NRXN3: variants seen among roughly 807,000 people sequenced by gnomAD.
The protein encoded by NRXN3 is neurexin 3, also known as neurexin III.
In NRXN3, 32 loss-of-function variants were observed where a neutral mutation model predicts 137.6. The observed-to-expected ratio is 0.23, with a 90% CI of 0.18 to 0.31. NRXN3 has a LOEUF of 0.31. Ranked by LOEUF, NRXN3 falls within the 10% of genes least tolerant of loss-of-function variation. The pLI, the probability that NRXN3 is intolerant of heterozygous loss-of-function variation, is 1.00. For synonymous variants in NRXN3, 798 were observed against 784.5 expected, an observed-to-expected ratio of 1.02 and a Z score of -0.29; for missense variants, 1,574 against 2,062.5, an observed-to-expected ratio of 0.76 and a Z score of 4.59.
At chr14:78,202,792 A>C (rs2061801028) in intron 1 of NRXN3, among the ~76,000 whole-genome samples, 1 of 152,216 alleles carries the variant, frequency 6.6e-6, no homozygotes, top group Admixed American at 6.5e-5. Context: ...CCAATTTCCG[A>C]GTACTGTGTG....
At chr14:78,387,024 A>G (rs145070991) in intron 4 of NRXN3, among the ~76,000 whole-genome samples, 157 of 151,612 alleles carry the variant, frequency 1.0e-3, no homozygotes, top group African/African-American at 3.7e-3. Context: ...CAAATGATCC[A>G]CCCTCCTCGG....
chr14:79,506,734 C>T (rs1272658987), intron 16 of NRXN3, among the ~76,000 whole-genome samples: 1 of 152,092 alleles, frequency 6.6e-6, no homozygotes, highest in African/African-American at 2.4e-5. Context: ...TTTAAGACAA[C>T]CCCATAACCT....
intron 5 of NRXN3, among the ~76,000 whole-genome samples, chr14:78,650,057 A>G (rs143290060): frequency 0.016 from 2,392 of 151,356 alleles, 29 homozygotes; most frequent in Non-Finnish European, 0.02. Context: ...TTCATCTTTC[A>G]TATATTTGGG....
Position 79,694,650 on chromosome 14 carries a change from A to G in NRXN3, c.3706+2388A>G, listed in dbSNP as rs138578750. On this transcript the variant is annotated intron_variant, in intron 18 of 20. Coordinates refer to ENST00000335750, the MANE Select transcript of NRXN3 (RefSeq NM_001330195.2). ...TTTGGGGAAATCTTGGGCAAATGAT[A>G]AAAAGAAACTGGTCAGTTCTTCACA... is the stretch of plus-strand genomic sequence containing the variant. Among the ~76,000 whole-genome samples, 73 of 152,098 alleles carry G rather than the reference A, an allele frequency of 4.8e-4. No individual in the cohort carries two copies. The East Asian group carries it at 0.014, about 29-fold the overall frequency.
intron 20 of NRXN3, among the ~76,000 whole-genome samples, chr14:79,843,823 T>A (rs980429126): frequency 1.3e-5 from 2 of 152,146 alleles, no homozygotes; most frequent in African/African-American, 4.8e-5. Context: ...AGTTCTGTAG[T>A]GGTGATTCTG....
chr14:79,234,836 G>T (rs1298260549), intron 15 of NRXN3, among the ~76,000 whole-genome samples: 3 of 151,876 alleles, frequency 2.0e-5, no homozygotes, highest in African/African-American at 7.3e-5. Flanking sequence ...CAGAATACTT[G>T]TTAATATCCA....
intron 1 of NRXN3, among the ~76,000 whole-genome samples, chr14:78,192,469 G>A (rs1300657199): frequency 6.6e-6 from 1 of 152,150 alleles, no homozygotes; most frequent in Non-Finnish European, 1.5e-5. Flanking sequence ...AAGACTTCTT[G>A]GATTTCATTC....
chr14:78,678,646 T>G (rs2098037539), intron 6 of NRXN3, among the ~76,000 whole-genome samples: 1 of 152,180 alleles, frequency 6.6e-6, no homozygotes, highest in Non-Finnish European at 1.5e-5. Flanking sequence ...TCCTTGACAG[T>G]TTTTGGTATT....
chr14:78,637,063 C>T lies in NRXN3; in HGVS notation c.758-8057C>T, dbSNP rs138929127. Among the ~76,000 whole-genome samples, 415 of 152,258 alleles carry T rather than the reference C, an allele frequency of 2.7e-3. 2 individuals carry two copies. Among genetic ancestry groups the T allele is most frequent in the Non-Finnish European group, 5.0e-3 (340 of 68,026 alleles). Reference sequence around the variant, plus strand: ...ACCTCTCTAGCCATTTGTCCACCCACTGGACCCCTGGTACAATACAAGTAT... The same window carrying T: ...ACCTCTCTAGCCATTTGTCCACCCATTGGACCCCTGGTACAATACAAGTAT... On this transcript the variant is annotated intron_variant, in intron 4 of 20. Coordinates refer to ENST00000335750, the MANE Select transcript of NRXN3 (RefSeq NM_001330195.2).
chr14:78,490,464 C>T (rs544578704), intron 4 of NRXN3, among the ~76,000 whole-genome samples: 2 of 152,250 alleles, frequency 1.3e-5, no homozygotes, highest in South Asian at 4.1e-4. Context: ...CTTGGTTTTG[C>T]TGTACCCATG....
intron 19 of NRXN3, among the ~76,000 whole-genome samples, chr14:79,719,402 GTA>G (rs143848752): frequency 1.4e-5 from 2 of 142,298 alleles, no homozygotes; most frequent in African/African-American, 2.7e-5. Flanking sequence ...ATATATGTGT[GTA>G]TATATATATA....
intron 16 of NRXN3, among the ~76,000 whole-genome samples, chr14:79,491,163 A>C (rs1250108093): frequency 6.6e-6 from 1 of 152,128 alleles, no homozygotes; most frequent in Non-Finnish European, 1.5e-5. Flanking sequence ...TCAAGTCAGA[A>C]TCCAAAATTT....
intron 4 of NRXN3, among the ~76,000 whole-genome samples, chr14:78,408,487 C>G (rs907409712): frequency 1.3e-5 from 2 of 152,216 alleles, no homozygotes; most frequent in African/African-American, 4.8e-5. Flanking sequence ...GGTGGTGAAT[C>G]TCTTTCACCA....
chr14:78,229,663 A>G (rs893731610), intron 1 of NRXN3, among the ~76,000 whole-genome samples: 1 of 152,242 alleles, frequency 6.6e-6, no homozygotes, highest in South Asian at 2.1e-4. Flanking sequence ...GCACATGTCT[A>G]TGATCGACTC....
intron 15 of NRXN3, among the ~76,000 whole-genome samples, chr14:79,444,396 T>A (rs958401430): frequency 6.6e-6 from 1 of 152,264 alleles, no homozygotes; most frequent in Non-Finnish European, 1.5e-5. Flanking sequence ...ATAATAGTTA[T>A]ACGACTGCTT....
At chr14:78,742,333 A>G (rs1307298050) in intron 8 of NRXN3, among the ~76,000 whole-genome samples, 1 of 152,196 alleles carries the variant, frequency 6.6e-6, no homozygotes, top group Non-Finnish European at 1.5e-5. Context: ...GTTTTACCTC[A>G]GGTTTTGGAA....
intron 16 of NRXN3, among the ~76,000 whole-genome samples, chr14:79,586,252 A>G (rs1349181144): frequency 2.6e-5 from 4 of 152,258 alleles, no homozygotes; most frequent in Admixed American, 2.6e-4. Flanking sequence ...AGAATTAAGT[A>G]AAGCTCACAC....
chr14:78,188,290 C>T (rs2060415361), intron 1 of NRXN3, among the ~76,000 whole-genome samples: 1 of 152,268 alleles, frequency 6.6e-6, no homozygotes, highest in African/African-American at 2.4e-5. Flanking sequence ...ATCAAGATCC[C>T]ACAGTGTGAG....
rs375741551 is a variant in NRXN3 at position 79,571,464 on chromosome 14, G to C, written c.3445-92314G>C. Among the ~76,000 whole-genome samples the C allele has an allele frequency of 2.5e-4, 38 of 152,256 alleles. No homozygotes were observed. The South Asian group carries it at 7.9e-3, about 32-fold the overall frequency. On this transcript the variant is annotated intron_variant, in intron 16 of 20. Coordinates refer to ENST00000335750, the MANE Select transcript of NRXN3 (RefSeq NM_001330195.2). The stretch of plus-strand genomic sequence containing the variant: ...TAACATATGACTAAAATAGGAACTG[G>C]CAGCTGGGGGTGATGAGAGAAATGA...
Sources: allele counts gnomAD v4.1 joint callset (sites outside exome capture counted in the v4.1 genomes callset), GRCh38; gene constraint gnomAD v4.1.1; transcripts MANE v1.5; gene names NCBI Gene and HGNC (gene_info 2026-07-23, HGNC 2026-07-21).